Variants in CUL1 observed in about 807,000 individuals in gnomAD.
CUL1 encodes the protein cullin 1, also known as cullin-1.
A neutral mutation model predicts 118.0 loss-of-function variants in CUL1; 24 were observed. That is an observed-to-expected ratio of 0.20 (90% confidence interval 0.15 to 0.29). The LOEUF is 0.29. CUL1 is among the 10% of genes least tolerant of loss of function. The pLI is 1.00. For synonymous variants in CUL1, 332 were observed against 340.4 expected (o/e 0.98, Z 0.27); for missense variants, 361 against 933.8 (o/e 0.39, Z 7.99).
intron 2 of CUL1, among the ~76,000 whole-genome samples, chr7:148,744,561 C>G (rs1584785221): frequency 1.3e-5 from 2 of 152,046 alleles, no homozygotes. Flanking sequence ...TTGTATAGTT[C>G]CATTTACTAC....
At chr7:148,786,713 T>C in intron 12 of CUL1, 114 bp downstream of exon 12, 1 of 956,352 alleles carries the variant, frequency 1.0e-6, no homozygotes, top group South Asian at 1.6e-5. Context: ...TTGATTTTAT[T>C]TTGAATCTCT....
In CUL1 at chr7:148,800,602, CTG is replaced by C; in HGVS notation, c.*25_*26del. 6.4e-7 allele frequency: 1 copy of C among 1,560,000 alleles called. No homozygotes were observed. The highest frequency in any genetic ancestry group is 1.1e-5 in the South Asian group (1 of 89,470). On this transcript the variant is annotated 3_prime_UTR_variant, in exon 22 of 22. Transcript: ENST00000325222. This position sits in a 1 kb window ranked among gnomAD's most constrained non-coding sequence, Gnocchi z 4.6. Reference sequence around the variant, plus strand: ...GCTTAACCCTTCTGGAAGGGTCTGACTGTGTGACCCGCAGCAAATAGTTCATG... The same window carrying C: ...GCTTAACCCTTCTGGAAGGGTCTGACTGTGACCCGCAGCAAATAGTTCATG...
At chr7:148,752,133 AG>A (rs1203271741) in intron 2 of CUL1, among the ~76,000 whole-genome samples, 4 of 152,244 alleles carry the variant, frequency 2.6e-5, no homozygotes, top group Non-Finnish European at 4.4e-5. Flanking sequence ...AACAAAATGT[AG>A]AACATGTGAA....
At chr7:148,736,499 T>A (rs1385578695) in intron 2 of CUL1, among the ~76,000 whole-genome samples, 1 of 152,056 alleles carries the variant, frequency 6.6e-6, no homozygotes, top group South Asian at 2.1e-4. Context: ...CATGGAGTCT[T>A]GCTATGTTGC....
intron 1 of CUL1, among the ~76,000 whole-genome samples, chr7:148,705,302 A>G (rs1049834063): frequency 5.3e-5 from 8 of 152,198 alleles, no homozygotes; most frequent in African/African-American, 1.9e-4. Flanking sequence ...GTGATAGTAG[A>G]TGTGTTTTAA....
chr7:148,797,702 A>ATT (rs10559092), intron 17 of CUL1, 110 bp from the exon 18 acceptor site: 633 of 663,310 alleles, frequency 9.5e-4, no homozygotes, highest in South Asian at 2.4e-3. Context: ...CTTTTGGGTG[A>ATT]TTTTTTTTTT....
chr7:148,780,112 C>T (rs567890245), intron 9 of CUL1, among the ~76,000 whole-genome samples: 25 of 76,160 alleles, frequency 3.3e-4, no homozygotes, highest in African/African-American at 1.7e-3. Flanking sequence ...AATAAACTCC[C>T]GTATATATAT....
intron 2 of CUL1, among the ~76,000 whole-genome samples, chr7:148,750,492 T>G (rs1281967716): frequency 2.0e-5 from 3 of 152,054 alleles, no homozygotes; most frequent in African/African-American, 7.2e-5. Context: ...ATGTTCCCCT[T>G]CCTGTGTCCA....
intron 1 of CUL1, among the ~76,000 whole-genome samples, chr7:148,713,032 A>C (rs1798100085): frequency 6.6e-6 from 1 of 152,200 alleles, no homozygotes; most frequent in South Asian, 2.1e-4. Flanking sequence ...ATTTTTTAAA[A>C]AGTTCCAGTT....
chr7:148,787,147 C>T lies in CUL1; in HGVS notation c.1479+27C>T, dbSNP rs766198914. On this transcript the variant is annotated intron_variant, in intron 13 of 21. Coordinates refer to ENST00000325222, the MANE Select transcript of CUL1 (RefSeq NM_003592.3). The surrounding 1 kb of genome is among the most constrained non-coding windows in gnomAD (Gnocchi z 5.5). ...TGAGTTTCATCTTTTCCTGAAAAAT[C>T]CCAGCTTCTGAGTCATTATTAAAAC... is the stretch of plus-strand genomic sequence containing the variant. 5.6e-6 allele frequency: 9 copies of T among 1,610,808 alleles called. No individual in the cohort carries two copies. The African/African-American group carries it at 1.1e-4, about 19-fold the overall frequency.
chr7:148,800,704 A>G lies in CUL1; in HGVS notation c.*122A>G. 2.9e-6 allele frequency: 2 copies of G among 699,146 alleles called. No homozygotes were observed. The highest frequency in any genetic ancestry group is 5.4e-5 in the East Asian group (2 of 37,240). The allele number at this position is 699,146 out of a possible 1,614,324, so 43.3% of individuals were successfully genotyped here. On this transcript the variant is annotated 3_prime_UTR_variant, in exon 22 of 22. Coordinates refer to ENST00000325222, the MANE Select transcript of CUL1 (RefSeq NM_003592.3). The surrounding 1 kb of genome is among the most constrained non-coding windows in gnomAD (Gnocchi z 4.6). ...TTGGACCTCCCTTTTAAAAACTGAG[A>G]CCAAGACTCCCATCAGCTGGTCTCG...
chr7:148,783,564 T>C (rs1467051806), intron 9 of CUL1: 1 of 1,447,680 alleles, frequency 6.9e-7, no homozygotes. Context: ...TAGTTTTGAG[T>C]GTGGAGAATA....
At chr7:148,699,808 GGCGCGCCCCCGGTCCCAACGGGA>G (rs1179899206) in intron 1 of CUL1, among the ~76,000 whole-genome samples, 1 of 152,004 alleles carries the variant, frequency 6.6e-6, no homozygotes, top group Non-Finnish European at 1.5e-5. Context: ...CTGCGGCCTC[GGCGCGCCCCCGGTCCCAACGGGA>G]GCGCGCGCCC....
rs553862676 is a variant in CUL1 at position 148,770,992 on chromosome 7, T to G, written c.1083+3243T>G. Reference sequence around the variant, plus strand: ...ACCTTGAGAACACAATTTTTAAAGTTTAAAAATTTTTGCCTAATTAAGTTG... The same window carrying G: ...ACCTTGAGAACACAATTTTTAAAGTGTAAAAATTTTTGCCTAATTAAGTTG... On this transcript the variant is annotated intron_variant, in intron 9 of 21. Transcript: ENST00000325222. Among the ~76,000 whole-genome samples the G allele has an allele frequency of 2.0e-5, 3 of 152,302 alleles. No individual in the cohort carries two copies. In the South Asian group the frequency reaches 6.2e-4, roughly 32 times the overall value.
chr7:148,725,219 G>GCGCACGCACACACACACACA, intron 1 of CUL1, among the ~76,000 whole-genome samples: 4 of 140,060 alleles, frequency 2.9e-5, no homozygotes, highest in African/African-American at 1.1e-4. Flanking sequence ...ACACGCGCGC[G>GCGCACGCACACACACACACA]CTCACACACA....
chr7:148,699,310 A>C (rs1331679749), intron 1 of CUL1, among the ~76,000 whole-genome samples: 1 of 151,092 alleles, frequency 6.6e-6, no homozygotes, highest in African/African-American at 2.4e-5. Flanking sequence ...ACTGGGAAAA[A>C]GCACGATTCA....
chr7:148,768,446 G>A (rs1800082940), intron 9 of CUL1, among the ~76,000 whole-genome samples: 1 of 133,262 alleles, frequency 7.5e-6, no homozygotes, highest in Non-Finnish European at 1.5e-5. Context: ...GTGCAGTTGT[G>A]CCATCTCGGC....
intron 17 of CUL1, among the ~76,000 whole-genome samples, chr7:148,794,403 G>C (rs1264044589): frequency 6.6e-6 from 1 of 152,096 alleles, no homozygotes; most frequent in African/African-American, 2.4e-5. Flanking sequence ...TTTATTTCTG[G>C]ATTCTCAATT....
Position 148,797,975 on chromosome 7 carries a change from A to G in CUL1, c.1986A>G (p.Glu662=), listed in dbSNP as rs2129463820. 4 of 1,612,284 alleles carry G rather than the reference A, an allele frequency of 2.5e-6. No homozygotes were observed. Among genetic ancestry groups the G allele is most frequent in the Non-Finnish European group, 2.5e-6 (3 of 1,178,654 alleles). Residue 662 remains glutamate, a synonymous_variant, in exon 19 of 22, where the codon GAA becomes GAG. Transcript: ENST00000325222. ...AAAATGCAAATGTTGATGAGGTGGAATTGAAGCCAGATACCTTAATAAAAT... is the reference window on the plus strand; with the variant it reads ...AAAATGCAAATGTTGATGAGGTGGAGTTGAAGCCAGATACCTTAATAAAAT... ...EDENANVDEV[E]LKPDTLIKLY... is the part of the protein sequence containing the mutation.
Sources: gnomAD v4.1 joint callset for allele counts (sites outside exome capture counted in the v4.1 genomes callset) on GRCh38, gnomAD v4.1.1 for gene constraint, Gnocchi (gnomAD v3.1) non-coding constraint, MANE v1.5 for transcripts, NCBI Gene and HGNC (gene_info 2026-07-23, HGNC 2026-07-21) for gene names.